TASP1: variants seen among roughly 807,000 people sequenced by gnomAD.
The protein encoded by TASP1 is threonine aspartase 1.
TASP1 carries 16 observed loss-of-function variants against 56.6 expected under a neutral mutation model. The ratio of observed to expected loss-of-function variants is 0.28; its 90% CI spans 0.19 to 0.43. The LOEUF is 0.43. TASP1 is among the 20% of genes least tolerant of loss of function. TASP1 has a pLI of 1.00. For missense variants in TASP1, 393 were observed against 511.6 expected, an observed-to-expected ratio of 0.77 and a Z score of 2.24; for synonymous variants, 179 against 184.2, an observed-to-expected ratio of 0.97 and a Z score of 0.23.
intron 11 of TASP1, among the ~76,000 whole-genome samples, chr20:13,443,364 C>CTATA (rs1205267790): frequency 3.9e-5 from 6 of 152,302 alleles, no homozygotes; most frequent in African/African-American, 1.4e-4. Flanking sequence ...TAAGCGCTTT[C>CTATA]TATATCCACA....
chr20:13,496,896 C>T (rs2043750655), intron 10 of TASP1, among the ~76,000 whole-genome samples: 1 of 152,142 alleles, frequency 6.6e-6, no homozygotes, highest in African/African-American at 2.4e-5. Context: ...AAAGATAAGC[C>T]TTTCCTATGA....
chr20:13,436,137 G>A (rs1276628867), intron 11 of TASP1, among the ~76,000 whole-genome samples: 7 of 152,106 alleles, frequency 4.6e-5, no homozygotes, highest in Non-Finnish European at 1.0e-4. Flanking sequence ...AACTGGAGTG[G>A]AGGATACCCA....
the TASP1 span, among the ~76,000 whole-genome samples, chr20:13,353,770 C>T: frequency 6.6e-6 from 1 of 152,182 alleles, no homozygotes; most frequent in East Asian, 1.9e-4. Flanking sequence ...CCTGATTCTA[C>T]TGGGAAGCTC....
At chr20:13,233,420 A>C in the TASP1 span, among the ~76,000 whole-genome samples, 1 of 151,682 alleles carries the variant, frequency 6.6e-6, no homozygotes, top group Non-Finnish European at 1.5e-5. Flanking sequence ...ACATGGAGAA[A>C]CCCCATCTCT....
the TASP1 span, chr20:13,160,192 C>A: frequency 6.5e-7 from 1 of 1,526,938 alleles, no homozygotes; most frequent in Non-Finnish European, 8.9e-7. Context: ...AAAGCAAGTC[C>A]TTTTGTTGAG....
chr20:13,595,617 AACAG>A (rs2047699063), intron 4 of TASP1, among the ~76,000 whole-genome samples: 1 of 152,220 alleles, frequency 6.6e-6, no homozygotes, highest in Non-Finnish European at 1.5e-5. Context: ...CAAAGATCAA[AACAG>A]ACAAAGAAGG....
the TASP1 span, among the ~76,000 whole-genome samples, chr20:13,357,326 C>T: frequency 6.6e-6 from 1 of 152,130 alleles, no homozygotes; most frequent in African/African-American, 2.4e-5. Context: ...CCCACCCACC[C>T]CAATTAGGCT....
the TASP1 span, among the ~76,000 whole-genome samples, chr20:13,342,155 C>T: frequency 6.6e-6 from 1 of 152,168 alleles, no homozygotes; most frequent in Non-Finnish European, 1.5e-5. Context: ...TTTTAGCAGT[C>T]GATTAGGCTA....
At chr20:13,497,032 A>T (rs2043757329) in intron 10 of TASP1, among the ~76,000 whole-genome samples, 1 of 152,232 alleles carries the variant, frequency 6.6e-6, no homozygotes, top group African/African-American at 2.4e-5. Context: ...AGCTACCATG[A>T]TGCATCAGAA....
At chr20:13,499,074 T>C (rs1186232657) in intron 10 of TASP1, among the ~76,000 whole-genome samples, 1 of 152,154 alleles carries the variant, frequency 6.6e-6, no homozygotes, top group African/African-American at 2.4e-5. Context: ...GAGGTGCATA[T>C]TAATGGTGGA....
intron 7 of TASP1, among the ~76,000 whole-genome samples, chr20:13,559,923 T>C (rs971620855): frequency 6.6e-6 from 1 of 152,100 alleles, no homozygotes; most frequent in Non-Finnish European, 1.5e-5. Context: ...TCAGAAAGCA[T>C]AACCTGACCT....
chr20:13,323,526 C>T, the TASP1 span, among the ~76,000 whole-genome samples: 1 of 152,184 alleles, frequency 6.6e-6, no homozygotes. Flanking sequence ...CAGATAAATG[C>T]TTCAGTATGA....
At chr20:13,292,648 TC>T in the TASP1 span, among the ~76,000 whole-genome samples, 4 of 152,094 alleles carry the variant, frequency 2.6e-5, no homozygotes, top group Non-Finnish European at 5.9e-5. Flanking sequence ...CTAAGCCTCC[TC>T]CACCGGACCG....
intron 8 of TASP1, among the ~76,000 whole-genome samples, chr20:13,556,773 A>T (rs1284136966): frequency 1.3e-5 from 2 of 152,196 alleles, no homozygotes; most frequent in Non-Finnish European, 2.9e-5. Flanking sequence ...CTCATTTTTT[A>T]GATGTCACCT....
At chr20:13,636,349 G>A (rs1236555826) in intron 1 of TASP1, among the ~76,000 whole-genome samples, 7 of 147,278 alleles carry the variant, frequency 4.8e-5, no homozygotes, top group African/African-American at 7.5e-5. Flanking sequence ...TAGTAGAGAC[G>A]GGGTTTCACT....
chr20:13,581,198 A>C (rs1261646573), intron 5 of TASP1, among the ~76,000 whole-genome samples: 2 of 152,176 alleles, frequency 1.3e-5, no homozygotes, highest in African/African-American at 4.8e-5. Flanking sequence ...ACGAATATAA[A>C]ATACATATTC....
the TASP1 span, among the ~76,000 whole-genome samples, chr20:13,302,461 T>A: frequency 3.3e-5 from 5 of 152,206 alleles, no homozygotes; most frequent in African/African-American, 1.2e-4. Flanking sequence ...CATGCCTAGG[T>A]TGTCTAATAA....
chr20:13,225,934 C>CA, the TASP1 span, among the ~76,000 whole-genome samples: 1 of 151,880 alleles, frequency 6.6e-6, no homozygotes, highest in South Asian at 2.1e-4. Context: ...ATATAGAATC[C>CA]ATAGGCAATA....
At chr20:13,469,602 T>C (rs1031473095) in intron 11 of TASP1, among the ~76,000 whole-genome samples, 1 of 152,064 alleles carries the variant, frequency 6.6e-6, no homozygotes, top group Non-Finnish European at 1.5e-5. Flanking sequence ...ACACACTGAC[T>C]CAGTATCATC....
Sources: allele counts gnomAD v4.1 joint callset (sites outside exome capture counted in the v4.1 genomes callset), GRCh38; gene constraint gnomAD v4.1.1; transcripts MANE v1.5; gene names NCBI Gene and HGNC (gene_info 2026-07-23, HGNC 2026-07-21).